MACROD2: variants seen among roughly 807,000 people sequenced by gnomAD.
MACROD2 encodes the protein mono-ADP ribosylhydrolase 2.
MACROD2 carries 36 observed loss-of-function variants against 70.4 expected under a neutral mutation model. The ratio of observed to expected loss-of-function variants is 0.51; its 90% confidence interval spans 0.39 to 0.68. The LOEUF is 0.68. Ranked by LOEUF, MACROD2 falls within the 30% of genes least tolerant of loss-of-function variation. The pLI, the probability that MACROD2 is intolerant of heterozygous loss-of-function variation, is 0.00. For synonymous variants in MACROD2, 172 were observed against 178.8 expected (o/e 0.96, Z 0.30); for missense variants, 496 against 538.4 (o/e 0.92, Z 0.78).
At chr20:14,840,985 T>C (rs2073081191) in intron 5 of MACROD2, among the ~76,000 whole-genome samples, 1 of 152,142 alleles carries the variant, frequency 6.6e-6, no homozygotes, top group Admixed American at 6.5e-5. Flanking sequence ...ACGAGTGTTA[T>C]TATTTCAAAA....
intron 2 of MACROD2, among the ~76,000 whole-genome samples, chr20:14,063,201 TG>T (rs2053710078): frequency 1.3e-5 from 2 of 152,172 alleles, no homozygotes; most frequent in Non-Finnish European, 2.9e-5. Flanking sequence ...AGGTACTGAA[TG>T]GGTAAGTTAG....
chr20:15,793,925 A>G (rs898968629), intron 8 of MACROD2, among the ~76,000 whole-genome samples: 36 of 147,618 alleles, frequency 2.4e-4, no homozygotes, highest in Non-Finnish European at 4.6e-4. Context: ...ATTAGTGGCA[A>G]ATATAAAAGA....
At chr20:15,495,995 A>G (rs2047292694) in intron 7 of MACROD2, among the ~76,000 whole-genome samples, 1 of 152,206 alleles carries the variant, frequency 6.6e-6, no homozygotes, top group Non-Finnish European at 1.5e-5. Context: ...AAAATACCAC[A>G]TTCAAAGACC....
intron 3 of MACROD2, among the ~76,000 whole-genome samples, chr20:14,248,499 C>T (rs1198775535): frequency 6.6e-6 from 1 of 152,142 alleles, no homozygotes; most frequent in Non-Finnish European, 1.5e-5. Context: ...AGGAGAATCG[C>T]TTGAACCCGG....
chr20:14,450,107 A>G (rs1190710517), intron 3 of MACROD2, among the ~76,000 whole-genome samples: 4 of 152,142 alleles, frequency 2.6e-5, no homozygotes, highest in Admixed American at 6.5e-5. Context: ...GACAATGACA[A>G]TATCTAATAG....
intron 5 of MACROD2, among the ~76,000 whole-genome samples, chr20:14,934,667 A>G (rs2074325275): frequency 6.6e-6 from 1 of 152,086 alleles, no homozygotes; most frequent in African/African-American, 2.4e-5. Flanking sequence ...TGTGCCTGTA[A>G]TCCCAGCTAC....
chr20:14,003,796 C>G (rs2052771048), intron 2 of MACROD2: 2 of 381,410 alleles, frequency 5.2e-6, no homozygotes, highest in Non-Finnish European at 1.0e-5. Context: ...AAAAAAAGGT[C>G]TGGTTAAGAC....
chr20:15,473,172 A>T (rs960820730), intron 7 of MACROD2, among the ~76,000 whole-genome samples: 1 of 152,200 alleles, frequency 6.6e-6, no homozygotes, highest in Non-Finnish European at 1.5e-5. Flanking sequence ...AACTAAAATA[A>T]TAAGGCCTGG....
At chr20:16,006,303 C>A (rs1052553622) in intron 15 of MACROD2, among the ~76,000 whole-genome samples, 1 of 152,120 alleles carries the variant, frequency 6.6e-6, no homozygotes, top group African/African-American at 2.4e-5. Flanking sequence ...TTTTGGGGAG[C>A]CTTAAGTTAC....
intron 6 of MACROD2, among the ~76,000 whole-genome samples, chr20:15,323,692 G>A (rs2077896531): frequency 6.6e-6 from 1 of 152,020 alleles, no homozygotes; most frequent in Admixed American, 6.6e-5. Flanking sequence ...CAGTAAATCT[G>A]GTTGATTCTA....
intron 5 of MACROD2, among the ~76,000 whole-genome samples, chr20:14,715,208 A>G (rs2123671378): frequency 6.6e-6 from 1 of 152,234 alleles, no homozygotes; most frequent in East Asian, 1.9e-4. Context: ...AGCCTCTTAT[A>G]AAACCATCAG....
intron 8 of MACROD2, among the ~76,000 whole-genome samples, chr20:15,859,810 A>AT (rs1395354867): frequency 3.6e-5 from 3 of 82,652 alleles, no homozygotes; most frequent in African/African-American, 9.1e-5. Flanking sequence ...TTTTGGACTT[A>AT]AATCATTTCC....
intron 10 of MACROD2, among the ~76,000 whole-genome samples, chr20:15,925,522 G>T (rs976761869): frequency 6.6e-6 from 1 of 152,180 alleles, no homozygotes; most frequent in Admixed American, 6.5e-5. Flanking sequence ...GCTCTCTGGT[G>T]CATCACTTTG....
intron 5 of MACROD2, among the ~76,000 whole-genome samples, chr20:14,950,097 C>G (rs2074463355): frequency 6.6e-6 from 1 of 152,134 alleles, no homozygotes; most frequent in Admixed American, 6.6e-5. Context: ...AAGAGACATA[C>G]TGGCTGCTAG....
intron 3 of MACROD2, among the ~76,000 whole-genome samples, chr20:14,359,196 AC>A (rs1404396675): frequency 6.6e-6 from 1 of 151,954 alleles, no homozygotes; most frequent in Non-Finnish European, 1.5e-5. Flanking sequence ...TCAAAAACAA[AC>A]AAACAAACAA....
intron 5 of MACROD2, among the ~76,000 whole-genome samples, chr20:14,719,694 C>T (rs188969057): frequency 1.6e-4 from 24 of 152,144 alleles, no homozygotes; most frequent in Admixed American, 1.0e-3. Context: ...CCCAAATTCC[C>T]GGAAATGTTG....
chr20:15,221,479 A>T (rs1243307786), intron 5 of MACROD2, among the ~76,000 whole-genome samples: 1 of 152,176 alleles, frequency 6.6e-6, no homozygotes, highest in Non-Finnish European at 1.5e-5. Context: ...AGATGCCCCC[A>T]ATACCCTGTG....
At chr20:14,640,923 T>C (rs1041640355) in intron 4 of MACROD2, among the ~76,000 whole-genome samples, 1 of 152,188 alleles carries the variant, frequency 6.6e-6, no homozygotes, top group Non-Finnish European at 1.5e-5. Context: ...CTGGGATGGA[T>C]GTGGCAATTT....
At chr20:15,888,409 G>A (rs932059150) in intron 10 of MACROD2, among the ~76,000 whole-genome samples, 2 of 152,056 alleles carry the variant, frequency 1.3e-5, no homozygotes, top group Non-Finnish European at 2.9e-5. Flanking sequence ...TTAGCTATGA[G>A]GGGTACTGCC....
Sources: allele counts gnomAD v4.1 joint callset (sites outside exome capture counted in the v4.1 genomes callset), GRCh38; gene constraint gnomAD v4.1.1; transcripts MANE v1.5; gene names NCBI Gene and HGNC (gene_info 2026-07-23, HGNC 2026-07-21).